SLC25A26: variants seen among roughly 807,000 people sequenced by gnomAD.
SLC25A26 encodes solute carrier family 25 member 26, also known as mitochondrial S-adenosylmethionine carrier protein.
SLC25A26 carries 36 observed loss-of-function variants against 37.8 expected under a neutral mutation model. That is an observed-to-expected ratio of 0.95 (90% CI 0.73 to 1.26). The LOEUF (loss-of-function observed/expected upper bound fraction) is 1.26. Ranked by LOEUF, SLC25A26 falls within the 50% of genes most tolerant of loss-of-function variation. SLC25A26 has a pLI of 0.00. For synonymous variants in SLC25A26, 129 were observed against 122.5 expected (o/e 1.05, Z -0.35); for missense variants, 390 against 331.1 (o/e 1.18, Z -1.38).
chr3:66,356,464 A>C (rs1575604291), intron 6 of SLC25A26, among the ~76,000 whole-genome samples: 1 of 152,164 alleles, frequency 6.6e-6, no homozygotes, highest in Non-Finnish European at 1.5e-5. Context: ...AATACTGTTA[A>C]TGTAAAAAGT....
chr3:66,336,889 G>A (rs957685924), intron 5 of SLC25A26, among the ~76,000 whole-genome samples: 8 of 152,080 alleles, frequency 5.3e-5, no homozygotes, highest in African/African-American at 1.2e-4. Context: ...CTTTTATTAA[G>A]AACCTCAACT....
At chr3:66,249,080 A>G (rs1029848495) in intron 3 of SLC25A26, among the ~76,000 whole-genome samples, 3 of 152,214 alleles carry the variant, frequency 2.0e-5, no homozygotes, top group Admixed American at 2.0e-4. Context: ...CCACTTGTAG[A>G]TCAAATGTGT....
chr3:66,317,094 CCTT>C (rs2075560685), intron 5 of SLC25A26, among the ~76,000 whole-genome samples: 1 of 152,202 alleles, frequency 6.6e-6, no homozygotes, highest in South Asian at 2.1e-4. Flanking sequence ...TCTTCTGAAG[CCTT>C]CTTCTGTCAA....
intron 5 of SLC25A26, among the ~76,000 whole-genome samples, chr3:66,308,243 A>G (rs2075280633): frequency 6.6e-6 from 1 of 151,802 alleles, no homozygotes; most frequent in Non-Finnish European, 1.5e-5. Flanking sequence ...ATTCCTAGGT[A>G]TTTTATTCTC....
chr3:66,312,888 TCACC>T (rs1395787001), intron 5 of SLC25A26, among the ~76,000 whole-genome samples: 2 of 152,132 alleles, frequency 1.3e-5, no homozygotes, highest in Non-Finnish European at 2.9e-5. Flanking sequence ...AATGCAGAAA[TCACC>T]CACCTTCTGT....
chr3:66,287,254 C>T (rs1424884837), intron 5 of SLC25A26, among the ~76,000 whole-genome samples: 3 of 151,494 alleles, frequency 2.0e-5, no homozygotes, highest in Non-Finnish European at 4.4e-5. Context: ...CCAGATCACG[C>T]CATTGCACTC....
At chr3:66,245,329 C>T (rs537791898) in intron 3 of SLC25A26, among the ~76,000 whole-genome samples, 95 of 151,956 alleles carry the variant, frequency 6.3e-4, no homozygotes, top group African/African-American at 2.1e-3. Flanking sequence ...TCTTCATTCC[C>T]CTCATTAACT....
At chr3:66,265,555 A>G (rs550772451) in intron 5 of SLC25A26, among the ~76,000 whole-genome samples, 5 of 152,194 alleles carry the variant, frequency 3.3e-5, no homozygotes, top group Non-Finnish European at 7.3e-5. Flanking sequence ...ATAGTTAAAT[A>G]TTGCCGTATT....
intron 5 of SLC25A26, among the ~76,000 whole-genome samples, chr3:66,273,106 T>C (rs332345): frequency 0.41 from 62,941 of 151,962 alleles, 16,283 homozygotes; most frequent in African/African-American, 0.71. Context: ...TATTGATTTG[T>C]GTATATTGGA....
rs958230542 is a variant in SLC25A26, at chr3:66,188,547, G to A, written c.-353-32195G>A. 6.7e-3 allele frequency among the ~76,000 whole-genome samples: 1,015 copies of A among 152,224 alleles called. 20 individuals are homozygous for A. Among genetic ancestry groups the A allele is most frequent in the African/African-American group, 0.024 (977 of 41,520 alleles). ...TCTCCCTCACTCCCTCTCTCTCCAT[G>A]TGATCTCTGCACATGTGACTCCCCT... On this transcript the variant is annotated intron_variant, in intron 1 of 10. Coordinates refer to the SLC25A26 transcript ENST00000676754.
At chr3:66,137,968 G>T (rs2069972497) in intron 1 of SLC25A26, among the ~76,000 whole-genome samples, 1 of 152,014 alleles carries the variant, frequency 6.6e-6, no homozygotes, top group Admixed American at 6.6e-5. Flanking sequence ...AGAGCAGCTG[G>T]GATTACAGGC....
intron 1 of SLC25A26, among the ~76,000 whole-genome samples, chr3:66,234,440 G>C (rs554541552): frequency 6.6e-6 from 1 of 152,244 alleles, no homozygotes; most frequent in South Asian, 2.1e-4. Context: ...TTTCTCTACT[G>C]GCACATCTCT....
intron 3 of SLC25A26, among the ~76,000 whole-genome samples, chr3:66,247,280 T>G (rs578259164): frequency 6.6e-6 from 1 of 151,880 alleles, no homozygotes; most frequent in East Asian, 1.9e-4. Context: ...TATATATATA[T>G]GCACACACAC....
At chr3:66,169,166 G>C (rs2070462810) in intron 1 of SLC25A26, among the ~76,000 whole-genome samples, 1 of 152,050 alleles carries the variant, frequency 6.6e-6, no homozygotes. Flanking sequence ...ACATCTTTTG[G>C]CTTCCTAGAT....
intron 5 of SLC25A26, among the ~76,000 whole-genome samples, chr3:66,295,405 GTT>G (rs10672736): frequency 6.6e-5 from 8 of 120,934 alleles, no homozygotes; most frequent in Admixed American, 8.5e-5. Flanking sequence ...TTGTATTTTT[GTT>G]TTTTTTTTTT....
At chr3:66,273,787 A>G (rs938610931) in intron 5 of SLC25A26, among the ~76,000 whole-genome samples, 11 of 152,146 alleles carry the variant, frequency 7.2e-5, no homozygotes, top group African/African-American at 2.4e-4. Context: ...ATGCTCATGG[A>G]TAGGAAGAAT....
chr3:66,303,804 A>G (rs368243750), intron 5 of SLC25A26, among the ~76,000 whole-genome samples: 109 of 152,320 alleles, frequency 7.2e-4, no homozygotes, highest in African/African-American at 2.4e-3. Context: ...AGTGACAGTC[A>G]AGGTGTTGCA....
upstream of SLC25A26, among the ~76,000 whole-genome samples, chr3:66,220,059 A>G (rs1200496256): frequency 1.3e-5 from 2 of 152,246 alleles, no homozygotes; most frequent in Middle Eastern, 3.2e-3. Context: ...TAGGGATTGA[A>G]GAAAGGCCAG....
chr3:66,191,037 G>C lies in SLC25A26; in HGVS notation c.-353-29705G>C, dbSNP rs2070932121. Among the ~76,000 whole-genome samples, 3 of 131,850 alleles carry C rather than the reference G, an allele frequency of 2.3e-5. No homozygotes were observed. The South Asian group carries it at 8.5e-4, about 37-fold the overall frequency. 86.5% of individuals were successfully genotyped at this position (131,850 alleles called of 152,430 possible). On this transcript the variant is annotated intron_variant, in intron 1 of 10. Transcript: ENST00000676754. ...ATCTGTATTAGTGCATATAAGCTCAGTTTCAGACATTCCTCTCAAAAGAAA... is the reference window on the plus strand; with the variant it reads ...ATCTGTATTAGTGCATATAAGCTCACTTTCAGACATTCCTCTCAAAAGAAA...
Sources: gnomAD v4.1 joint callset for allele counts (sites outside exome capture counted in the v4.1 genomes callset) on GRCh38, gnomAD v4.1.1 for gene constraint, MANE v1.5 for transcripts, NCBI Gene and HGNC (gene_info 2026-07-23, HGNC 2026-07-21) for gene names.